ZSWIM2: variants seen among roughly 807,000 people sequenced by gnomAD.
ZSWIM2 encodes the protein zinc finger SWIM-type containing 2, also known as E3 ubiquitin-protein ligase ZSWIM2.
A neutral mutation model predicts 48.4 loss-of-function variants in ZSWIM2; 38 were observed. The ratio of observed to expected loss-of-function variants is 0.79; its 90% confidence interval spans 0.61 to 1.03. ZSWIM2 has a LOEUF of 1.03. Among genes scored for constraint, ZSWIM2 ranks in the 50% least tolerant of loss-of-function variants. The pLI is 0.00. For missense variants in ZSWIM2, 776 were observed against 730.2 expected, an observed-to-expected ratio of 1.06 and a Z score of -0.72; for synonymous variants, 240 against 251.3, an observed-to-expected ratio of 0.96 and a Z score of 0.42.
chr2:186,833,133 G>A lies in ZSWIM2; in HGVS notation c.928C>T (p.Gln310Ter). ...NEIEEKMSHF[Q>*]EKQGQVYTPK... ...TGGGAACCTCACCCTTGCTTTTCTT[G>A]AAAATGTGACATCTTTTCTTCAATC... Residue 310 changes from glutamine to a stop codon, truncating the protein, a stop_gained, in exon 7 of 9, where the codon CAA becomes TAA. Coordinates refer to ENST00000295131, the MANE Select transcript of ZSWIM2 (RefSeq NM_182521.3). LOFTEE classifies it high-confidence loss of function. The A allele has an allele frequency of 6.7e-7, 1 of 1,488,446 alleles. No individual in the cohort carries two copies. Among genetic ancestry groups the A allele is most frequent in the Non-Finnish European group, 9.0e-7 (1 of 1,111,034 alleles). The allele number at this position is 1,488,446 out of a possible 1,614,324, so 92.2% of individuals were successfully genotyped here.
At position 186,849,028 on chromosome 2, in the gene ZSWIM2, G is replaced by C. The variant is rs774359683; in HGVS notation, c.103C>G (p.Arg35Gly). The stretch of plus-strand genomic sequence containing the variant: ...AGGAAGCCAGTGGGGCCCATCTCTC[G>C]TAGGAGGTAGATGCTGCTACTCAGC... ...QALSSSIYLL[R>G]EMGPTGFLLR... The change falls in exon 1 of 9, where the codon CGA becomes GGA. Residue 35 changes from arginine to glycine, a missense_variant. Arg to Gly is a moderately radical substitution (Grantham distance 125). Coordinates refer to ENST00000295131, the MANE Select transcript of ZSWIM2 (RefSeq NM_182521.3). 3.5e-5 allele frequency: 57 copies of C among 1,614,084 alleles called. 1 individual carries two copies. In the Admixed American group the frequency reaches 9.3e-4, roughly 26 times the overall value.
chr2:186,829,377 T>G lies in ZSWIM2; in HGVS notation c.1095+350A>C, dbSNP rs753823962. Among the ~76,000 whole-genome samples the G allele has an allele frequency of 5.8e-4, 89 of 152,188 alleles. 1 individual carries two copies. The highest frequency in any genetic ancestry group is 8.8e-5 in the Non-Finnish European group (6 of 68,022). The stretch of plus-strand genomic sequence containing the variant: ...ATAATAATTATGTCAACTTAGGCAT[T>G]TCTGTTTCATCTTAAGAATCATAAA... On this transcript the variant is annotated intron_variant, in intron 8 of 8. Transcript: ENST00000295131.
chr2:186,830,080 T>G (rs901394426), intron 7 of ZSWIM2, among the ~76,000 whole-genome samples, 200 bp from the exon 8 acceptor site: 104 of 152,264 alleles, frequency 6.8e-4, no homozygotes, highest in African/African-American at 2.4e-3. Flanking sequence ...TCCAACTTCA[T>G]AAAGAACAAA....
chr2:186,828,147 A>G lies in ZSWIM2; in HGVS notation c.1739T>C (p.Ile580Thr). The G allele has an allele frequency of 1.9e-6, 3 of 1,613,584 alleles. No individual in the cohort carries two copies. Among genetic ancestry groups the G allele is most frequent in the Non-Finnish European group, 2.5e-6 (3 of 1,179,716 alleles). Residue 580 changes from isoleucine (I) to threonine (T), a missense_variant, in exon 9 of 9, where the codon ATT (isoleucine) becomes ACT (threonine). Ile to Thr is a moderately conservative substitution (Grantham distance 89). Transcript: ENST00000295131. ...STLLPEDFNL[I>T]VNWSTAKLSL... is the part of the protein sequence containing the mutation. ...AAGTTTAGCTGTGCTCCAATTGACA[A>G]TAAGATTGAAATCCTCTGGAAGTAA...
At chr2:186,831,404 T>C (rs1346701752) in intron 7 of ZSWIM2, among the ~76,000 whole-genome samples, 1 of 103,234 alleles carries the variant, frequency 9.7e-6, no homozygotes, top group Non-Finnish European at 1.9e-5. Flanking sequence ...ATATATATTA[T>C]ATATATATAT....
chr2:186,828,326 C>T lies in ZSWIM2; in HGVS notation c.1560G>A (p.Lys520=), dbSNP rs1464082119. The T allele has an allele frequency of 1.2e-6, 2 of 1,613,652 alleles. No homozygotes were observed. The highest frequency in any genetic ancestry group is 1.7e-6 in the Non-Finnish European group (2 of 1,179,784). ...SQTLLPPIVH[K]NIVCPTAMES... is the part of the protein sequence containing the mutation. ...CCATTGCAGTGGGACACACAATATT[C>T]TTATGAACAATAGGAGGAAGCAGTG... The change falls in exon 9 of 9, where the codon AAG becomes AAA. Residue 520 remains lysine, a synonymous_variant. Transcript: ENST00000295131.
chr2:186,844,844 G>T, intron 2 of ZSWIM2, 87 bp from the exon 3 acceptor site: 2 of 1,131,456 alleles, frequency 1.8e-6, no homozygotes, highest in South Asian at 3.4e-5. Flanking sequence ...AATAGAAATT[G>T]AATTATAAGA....
Position 186,837,558 on chromosome 2 carries a change from T to G in ZSWIM2, c.495-4A>C. ...AATACTATTGCCACAGCCAAACCTA[T>G]GAGAGATAAAATTGAAGTTTACCAT... is the stretch of plus-strand genomic sequence containing the variant. On this transcript the variant is annotated splice_polypyrimidine_tract_variant and splice_region_variant and intron_variant, in intron 4 of 8. Coordinates refer to ENST00000295131, the MANE Select transcript of ZSWIM2 (RefSeq NM_182521.3). 6.2e-7 allele frequency: 1 copy of G among 1,604,382 alleles called. No individual in the cohort carries two copies. The highest frequency in any genetic ancestry group is 1.1e-5 in the South Asian group (1 of 90,534).
At chr2:186,842,589 C>T (rs1458510334) in intron 3 of ZSWIM2, among the ~76,000 whole-genome samples, 2 of 151,316 alleles carry the variant, frequency 1.3e-5, no homozygotes, top group Admixed American at 1.3e-4. Flanking sequence ...AAAAGACATT[C>T]ATATACTAGC....
chr2:186,830,106 T>C (rs10191094), intron 7 of ZSWIM2, among the ~76,000 whole-genome samples: 27,775 of 152,158 alleles, frequency 0.18, 3,868 homozygotes, highest in African/African-American at 0.4. Context: ...TGGCTGAGCA[T>C]GATGGCTCAC....
chr2:186,836,983 T>A (rs900512448), intron 5 of ZSWIM2, among the ~76,000 whole-genome samples: 2 of 152,102 alleles, frequency 1.3e-5, no homozygotes, highest in African/African-American at 2.4e-5. Flanking sequence ...CCAGCAAGGC[T>A]CTAAGCTTGG....
chr2:186,829,686 AC>A, intron 8 of ZSWIM2, 40 bp downstream of exon 8: 1 of 1,588,116 alleles, frequency 6.3e-7, no homozygotes, highest in Non-Finnish European at 8.6e-7. Context: ...GTGAAAACTG[AC>A]CCTACAGGGA....
chr2:186,833,539 T>C (rs1179010813), intron 6 of ZSWIM2, among the ~76,000 whole-genome samples: 1 of 152,188 alleles, frequency 6.6e-6, no homozygotes, highest in African/African-American at 2.4e-5. Flanking sequence ...AGTGTACGGT[T>C]TAAATTATCC....
At chr2:186,840,328 G>A (rs1248264459) in intron 3 of ZSWIM2, among the ~76,000 whole-genome samples, 1 of 151,640 alleles carries the variant, frequency 6.6e-6, no homozygotes, top group Non-Finnish European at 1.5e-5. Context: ...AAAGAAGCTG[G>A]CCACAAACTG....
intron 7 of ZSWIM2, 75 bp from the exon 8 acceptor site, chr2:186,829,955 A>T (rs1233422891): frequency 1.4e-6 from 2 of 1,449,792 alleles, no homozygotes; most frequent in Non-Finnish European, 9.5e-7. Context: ...GCACAGGTAA[A>T]TAGTCTCTAT....
chr2:186,846,808 C>CAAATATATATATATATATATAT (rs1264213432), intron 2 of ZSWIM2, among the ~76,000 whole-genome samples: 1 of 50,234 alleles, frequency 2.0e-5, no homozygotes, highest in Non-Finnish European at 4.8e-5. Flanking sequence ...CACACACACA[C>CAAATATATATATATATATATAT]ACATATATAT....
intron 2 of ZSWIM2, among the ~76,000 whole-genome samples, chr2:186,845,470 A>C (rs930416519): frequency 6.6e-6 from 1 of 151,426 alleles, no homozygotes; most frequent in Admixed American, 6.6e-5. Context: ...TGTCAACTAG[A>C]GTAAATAACT....
chr2:186,829,397 C>A (rs965573435), intron 8 of ZSWIM2, among the ~76,000 whole-genome samples: 1 of 152,108 alleles, frequency 6.6e-6, no homozygotes, highest in Non-Finnish European at 1.5e-5. Flanking sequence ...TCTTAAGAAT[C>A]ATAAAAATAC....
intron 3 of ZSWIM2, among the ~76,000 whole-genome samples, chr2:186,842,845 A>G (rs1225808330): frequency 5.9e-5 from 9 of 151,562 alleles, no homozygotes; most frequent in Admixed American, 5.3e-4. Context: ...AGAAAAATGT[A>G]TAAGTATGTA....
Sources: gnomAD v4.1 joint callset for allele counts (sites outside exome capture counted in the v4.1 genomes callset) on GRCh38, gnomAD v4.1.1 for gene constraint, MANE v1.5 for transcripts, NCBI Gene and HGNC (gene_info 2026-07-23, HGNC 2026-07-21) for gene names.